The following RRP15 variants were observed in gnomAD, a reference collection of about 807,000 sequenced individuals.
RRP15 encodes the protein RRP15-like protein.
A neutral mutation model predicts 27.1 loss-of-function variants in RRP15; 18 were observed. The ratio of observed to expected loss-of-function variants is 0.66; its 90% CI spans 0.46 to 0.98. RRP15 has a LOEUF of 0.98. RRP15 is among the 50% of genes least tolerant of loss of function. The probability of loss-of-function intolerance (pLI) is 0.00; values close to 1 mark genes in which losing one functional copy is unlikely to be tolerated. For synonymous variants in RRP15, 107 were observed against 109.4 expected (o/e 0.98, Z 0.14); for missense variants, 359 against 337.8 (o/e 1.06, Z -0.49).
intron 1 of RRP15, among the ~76,000 whole-genome samples, chr1:218,295,697 T>A (rs1446992371): frequency 6.6e-6 from 1 of 152,222 alleles, no homozygotes; most frequent in Non-Finnish European, 1.5e-5. Flanking sequence ...CAAAGGAACA[T>A]GCCTAAGAAA....
At chr1:218,315,874 T>G (rs1656083204) in intron 4 of RRP15, among the ~76,000 whole-genome samples, 1 of 152,270 alleles carries the variant, frequency 6.6e-6, no homozygotes, top group South Asian at 2.1e-4. Flanking sequence ...CACGTAAAGC[T>G]CTCTAACAGG....
At chr1:218,307,313 G>A in intron 3 of RRP15, 118 bp from the exon 4 acceptor site, 1 of 767,322 alleles carries the variant, frequency 1.3e-6, no homozygotes, top group Non-Finnish European at 2.1e-6. Context: ...TTTCCTTTGA[G>A]TACTTGTTAA....
chr1:218,302,269 T>G (rs1014853732), intron 1 of RRP15, 25 bp from the exon 2 acceptor site: 1 of 1,580,222 alleles, frequency 6.3e-7, no homozygotes, highest in African/African-American at 1.4e-5. Context: ...AAAGTTTAAT[T>G]TGCCTTTACT....
chr1:218,320,001 T>C (rs1474083519), intron 4 of RRP15, among the ~76,000 whole-genome samples: 1 of 151,556 alleles, frequency 6.6e-6, no homozygotes, highest in Non-Finnish European at 1.5e-5. Context: ...TACATTTGAC[T>C]TTTCAGGTAC....
intron 1 of RRP15, among the ~76,000 whole-genome samples, chr1:218,290,613 G>A (rs887702163): frequency 1.3e-5 from 2 of 152,076 alleles, no homozygotes; most frequent in Non-Finnish European, 2.9e-5. Flanking sequence ...GACTATAGGC[G>A]TACACTACCC....
intron 1 of RRP15, chr1:218,301,286 C>G (rs1482212755): frequency 8.5e-5 from 13 of 152,178 alleles, no homozygotes; most frequent in Admixed American, 2.0e-4. Context: ...AGTTACTAAG[C>G]TATTGGATGA....
At chr1:218,292,164 G>T (rs1033507914) in intron 1 of RRP15, among the ~76,000 whole-genome samples, 2 of 152,160 alleles carry the variant, frequency 1.3e-5, no homozygotes, top group Non-Finnish European at 2.9e-5. Context: ...AAACTTTAAT[G>T]CAAACTCATA....
At chr1:218,287,087 C>T (rs1655559731) in intron 1 of RRP15, among the ~76,000 whole-genome samples, 1 of 151,788 alleles carries the variant, frequency 6.6e-6, no homozygotes, top group South Asian at 2.1e-4. Context: ...CTTCAGCTTC[C>T]CCAGGTAGCT....
chr1:218,324,505 C>T (rs959219175), intron 4 of RRP15, among the ~76,000 whole-genome samples: 10 of 152,326 alleles, frequency 6.6e-5, no homozygotes, highest in African/African-American at 1.9e-4. Flanking sequence ...GCTGCTTCCG[C>T]TCCTGCTACC....
At chr1:218,319,310 C>T (rs1299176808) in intron 4 of RRP15, among the ~76,000 whole-genome samples, 5 of 152,106 alleles carry the variant, frequency 3.3e-5, no homozygotes, top group African/African-American at 9.7e-5. Flanking sequence ...GGTGATCCAC[C>T]CACCTCAGCC....
At chr1:218,307,260 TTCAGTTGTATTTATCAAATG>T (rs1259044124) in intron 3 of RRP15, among the ~76,000 whole-genome samples, 151 bp from the exon 4 acceptor site, 1 of 152,212 alleles carries the variant, frequency 6.6e-6, no homozygotes, top group African/African-American at 2.4e-5. Context: ...ATATTCATTT[TTCAGTTGTATTTATCAAATG>T]TATTTAACCA....
chr1:218,312,963 G>T (rs1656026186), intron 4 of RRP15, among the ~76,000 whole-genome samples: 1 of 152,192 alleles, frequency 6.6e-6, no homozygotes, highest in East Asian at 1.9e-4. Flanking sequence ...TAGATTTGAA[G>T]TGTCCTATCT....
At chr1:218,298,167 A>G (rs984683872) in intron 1 of RRP15, among the ~76,000 whole-genome samples, 6 of 152,130 alleles carry the variant, frequency 3.9e-5, no homozygotes, top group Non-Finnish European at 7.4e-5. Flanking sequence ...AGGTTCAGTG[A>G]TCTTGCCGTC....
Position 218,285,373 on chromosome 1 carries a change from C to A in RRP15, c.57C>A (p.Thr19=), listed in dbSNP as rs114550993. Residue 19 remains threonine (T), a synonymous_variant, in exon 1 of 5, where the codon ACC becomes ACA. Transcript: ENST00000366932. ...GTGAGGAAGAAAACCTGAAAAAGAC[C>A]CCAAAGAAGAAGATGAAAATGGTAA... is the stretch of plus-strand genomic sequence containing the variant. ...RVSEEENLKK[T]PKKKMKMVTG... 6.1e-3 allele frequency: 9,770 copies of A among 1,614,022 alleles called. 45 individuals are homozygous for A. The highest frequency in any genetic ancestry group is 7.2e-3 in the Non-Finnish European group (8,540 of 1,179,996).
intron 4 of RRP15, among the ~76,000 whole-genome samples, chr1:218,318,084 CCTATATTT>C (rs1400451733): frequency 7.9e-5 from 12 of 151,966 alleles, no homozygotes; most frequent in Admixed American, 3.9e-4. Flanking sequence ...AATATAACCA[CCTATATTT>C]CTGTATTTCT....
chr1:218,314,945 T>C (rs1052060185), intron 4 of RRP15, among the ~76,000 whole-genome samples: 2 of 149,452 alleles, frequency 1.3e-5, no homozygotes, highest in African/African-American at 4.9e-5. Context: ...TGTGCTGAGA[T>C]TGCGCCACTG....
intron 3 of RRP15, 99 bp from the exon 4 acceptor site, chr1:218,307,332 C>T: frequency 9.9e-7 from 1 of 1,006,792 alleles, no homozygotes; most frequent in South Asian, 1.8e-5. Flanking sequence ...AAATGCTTGC[C>T]TCTTTTCTAG....
chr1:218,309,769 A>T lies in RRP15; in HGVS notation c.705+2137A>T, dbSNP rs926687679. ...TCCTTGTTGTGTCCTTTAAAATCTT[A>T]CAATTAAGATGGACAAATGACTTCA... On this transcript the variant is annotated intron_variant, in intron 4 of 4. Transcript: ENST00000366932. Among the ~76,000 whole-genome samples the T allele has an allele frequency of 2.0e-5, 3 of 151,730 alleles. No individual in the cohort carries two copies. The South Asian group carries it at 6.2e-4, about 31-fold the overall frequency.
intron 1 of RRP15, among the ~76,000 whole-genome samples, chr1:218,292,880 T>C (rs1164750210): frequency 6.6e-6 from 1 of 152,246 alleles, no homozygotes; most frequent in East Asian, 1.9e-4. Context: ...TATTCTTTAC[T>C]TTCTCTTAAC....
Sources: gnomAD v4.1 joint callset for allele counts (sites outside exome capture counted in the v4.1 genomes callset) on GRCh38, gnomAD v4.1.1 for gene constraint, MANE v1.5 for transcripts, NCBI Gene and HGNC (gene_info 2026-07-23, HGNC 2026-07-21) for gene names.